The following ADAMTS13 variants were observed in gnomAD, a reference collection of about 807,000 sequenced individuals.
ADAMTS13 encodes A disintegrin and metalloproteinase with thrombospondin motifs 13.
A neutral mutation model predicts 155.1 loss-of-function variants in ADAMTS13; 110 were observed. The observed-to-expected ratio is 0.71, with a 90% CI of 0.61 to 0.83. The LOEUF is 0.83. Among genes scored for constraint, ADAMTS13 ranks in the 40% least tolerant of loss-of-function variants. The probability of loss-of-function intolerance (pLI) is 0.00; values close to 1 mark genes in which losing one functional copy is unlikely to be tolerated. For missense variants in ADAMTS13, 1,707 were observed against 1,891.7 expected (o/e 0.90, Z 1.81); for synonymous variants, 758 against 756.4 (o/e 1.00, Z -0.03).
rs782669437 is a variant in ADAMTS13 at position 133,458,016 on chromosome 9, G to A, written c.3831G>A (p.Pro1277=). Residue 1277 remains proline (P), a synonymous_variant, in exon 28 of 29, where the codon CCG becomes CCA. Transcript: ENST00000355699. ...GCCGGCTCTTCATTAATGTGGCTCC[G>A]CACGCACGGATTGCCATCCATGCCC... ...GGCRLFINVA[P]HARIAIHALA... 16 of 1,613,430 alleles carry A rather than the reference G, an allele frequency of 9.9e-6. No individual in the cohort carries two copies. Among genetic ancestry groups the A allele is most frequent in the Middle Eastern group, 1.7e-4 (1 of 6,060 alleles).
Position 133,425,761 on chromosome 9 carries a change from C to G in ADAMTS13, c.414+149C>G. ...CCAGACAGACCAGCTGCCCTCCCAGCTCTACCCAGCACTCAGCACAGGCTG... is the reference window on the plus strand; with the variant it reads ...CCAGACAGACCAGCTGCCCTCCCAGGTCTACCCAGCACTCAGCACAGGCTG... On this transcript the variant is annotated intron_variant, in intron 4 of 28. Transcript: ENST00000355699. This position sits in a 1 kb window ranked among gnomAD's most constrained non-coding sequence, Gnocchi z 4.6. 1 of 1,401,182 alleles carries G rather than the reference C, an allele frequency of 7.1e-7. No homozygotes were observed. The highest frequency in any genetic ancestry group is 9.8e-7 in the Non-Finnish European group (1 of 1,018,978). 86.8% of individuals were successfully genotyped at this position (1,401,182 alleles called of 1,614,324 possible).
Position 133,425,906 on chromosome 9 carries a change from T to C in ADAMTS13, c.415-32T>C, listed in dbSNP as rs782047029. On this transcript the variant is annotated intron_variant, in intron 4 of 28. Coordinates refer to ENST00000355699, the MANE Select transcript of ADAMTS13 (RefSeq NM_139027.6). The surrounding 1 kb of genome is among the most constrained non-coding windows in gnomAD (Gnocchi z 4.6). ...GTCAGCACCGTGCCTGGTTGGGGTG[T>C]CCTAAATGCAGGCTTTGCTGTGGGT... 8 of 1,612,490 alleles carry C rather than the reference T, an allele frequency of 5.0e-6. No homozygotes were observed. The highest frequency in any genetic ancestry group is 1.1e-5 in the South Asian group (1 of 91,060).
Position 133,449,964 on chromosome 9 carries a change from A to G in ADAMTS13, c.3043A>G (p.Arg1015Gly), listed in dbSNP as rs1265277092. ...EACSLEPCPP[R>G]WKVMSLGPCS... is the part of the protein sequence containing the mutation. The stretch of plus-strand genomic sequence containing the variant: ...CTGCAGCCTGGAGCCCTGCCCACCT[A>G]GGTGAGTCAGCCGGTGATGGGAGGG... Residue 1015 changes from arginine (R) to glycine (G), a missense_variant and splice_region_variant, in exon 23 of 29, where the codon AGG (arginine) becomes GGG (glycine). This residue lies in a region of ADAMTS13 where 961 missense variants were observed against 1,107.9 expected (regional missense o/e 0.87). Coordinates refer to ENST00000355699, the MANE Select transcript of ADAMTS13 (RefSeq NM_139027.6). 3.1e-6 allele frequency: 5 copies of G among 1,597,578 alleles called. No individual in the cohort carries two copies. Among genetic ancestry groups the G allele is most frequent in the Non-Finnish European group, 4.3e-6 (5 of 1,174,298 alleles).
chr9:133,443,479 T>C lies in ADAMTS13; in HGVS notation c.2338T>C (p.Leu780=), dbSNP rs782298936. 3 of 1,590,698 alleles carry C rather than the reference T, an allele frequency of 1.9e-6. No homozygotes were observed. In the South Asian group the frequency reaches 3.4e-5, roughly 18 times the overall value. The change falls in exon 19 of 29, where the codon TTG becomes CTG. Residue 780 remains leucine (L), a synonymous_variant. Coordinates refer to ENST00000355699, the MANE Select transcript of ADAMTS13 (RefSeq NM_139027.6). ...GGCCCAGGGCAGCCTCCTGAAGACA[T>C]TGCCCCCAGCCCGGTGCAGAGCAGG... The part of the protein sequence containing the change: ...VEAQGSLLKT[L]PPARCRAGAQ...
chr9:133,425,693 G>C lies in ADAMTS13; in HGVS notation c.414+81G>C. The C allele has an allele frequency of 6.7e-7, 1 of 1,499,084 alleles. No individual in the cohort carries two copies. The highest frequency in any genetic ancestry group is 9.1e-7 in the Non-Finnish European group (1 of 1,096,276). 92.9% of individuals were successfully genotyped at this position (1,499,084 alleles called of 1,614,324 possible). On this transcript the variant is annotated intron_variant, in intron 4 of 28. Transcript: ENST00000355699. The surrounding 1 kb of genome is among the most constrained non-coding windows in gnomAD (Gnocchi z 4.6). ...GCATCTCCATCCTCTTTAACCTCTT[G>C]TCCCGGATGCCCCAAGCAGCATGGA...
Position 133,444,878 on chromosome 9 carries a change from G to A in ADAMTS13, c.2436G>A (p.Glu812=). 1 of 1,613,062 alleles carries A rather than the reference G, an allele frequency of 6.2e-7. No individual in the cohort carries two copies. Among genetic ancestry groups the A allele is most frequent in the Non-Finnish European group, 8.5e-7 (1 of 1,180,034 alleles). Residue 812 remains glutamate, a synonymous_variant, in exon 20 of 29, where the codon GAG becomes GAA. Transcript: ENST00000355699. ...CCATCCTCAGGTGGGAGGTGTCAGA[G>A]CCCAGCTCATGCACATCAGCTGGTG... ...QPCPARWEVS[E]PSSCTSAGGA... is the part of the protein sequence containing the mutation.
Position 133,451,894 on chromosome 9 carries a change from CAA to C in ADAMTS13, c.3044+1950_3044+1951del, listed in dbSNP as rs34716768. Among the ~76,000 whole-genome samples, 779 of 79,498 alleles carry C rather than the reference CAA, an allele frequency of 9.8e-3. 3 individuals are homozygous for C. The highest frequency in any genetic ancestry group is 0.037 in the African/African-American group (685 of 18,352). The allele number at this position is 79,498 out of a possible 152,430, so 52.2% of individuals were successfully genotyped here. A position where few individuals can be genotyped will look rare whatever the true frequency, so the allele number is the denominator to read the frequency against. ...TGGGCAACAGCATGAGACCCTGTCT[CAA>C]AAAAAAAAAAAAAAAAAAAAGATTT... On this transcript the variant is annotated intron_variant, in intron 23 of 28. Coordinates refer to ENST00000355699, the MANE Select transcript of ADAMTS13 (RefSeq NM_139027.6).
chr9:133,423,506 C>T (rs1840086572), intron 2 of ADAMTS13, among the ~76,000 whole-genome samples: 2 of 152,320 alleles, frequency 1.3e-5, no homozygotes, highest in Middle Eastern at 3.4e-3. Flanking sequence ...AATATTTATT[C>T]CTTCTGTGGG....
At chr9:133,418,352 G>C (rs587736128), upstream of ADAMTS13, among the ~76,000 whole-genome samples, 41 of 152,302 alleles carry the variant, frequency 2.7e-4, no homozygotes, top group African/African-American at 9.4e-4. Context: ...CTGGACTCTC[G>C]AGCCTTTCCC....
chr9:133,453,321 A>C (rs1842550707), intron 23 of ADAMTS13, among the ~76,000 whole-genome samples: 2 of 151,934 alleles, frequency 1.3e-5, no homozygotes, highest in South Asian at 4.2e-4. Flanking sequence ...CTGTAGTCCC[A>C]GCTACTTGGG....
chr9:133,428,737 C>T lies in ADAMTS13; in HGVS notation c.790C>T (p.Pro264Ser), dbSNP rs1554785960. The change falls in exon 7 of 29, where the codon CCC becomes TCC. Residue 264 changes from proline (P) to serine (S), a missense_variant. Pro to Ser is a moderately conservative substitution (Grantham distance 74). Coordinates refer to ENST00000355699, the MANE Select transcript of ADAMTS13 (RefSeq NM_139027.6). ...GCCCCGCGCCGGCCTCGCCTGGTCC[C>T]CCTGCAGCCGCCGGCAGCTGCTGAG... ...AAPRAGLAWSPCSRRQLLSLL... is the reference protein window; with the variant it reads ...AAPRAGLAWSSCSRRQLLSLL... The T allele has an allele frequency of 2.9e-6, 4 of 1,360,756 alleles. No homozygotes were observed. Among genetic ancestry groups the T allele is most frequent in the South Asian group, 1.7e-5 (1 of 58,938 alleles). 84.3% of individuals were successfully genotyped at this position (1,360,756 alleles called of 1,614,324 possible). A position where few individuals can be genotyped will look rare whatever the true frequency, so the allele number is the denominator to read the frequency against.
chr9:133,421,745 C>T (rs1422993561), upstream of ADAMTS13, among the ~76,000 whole-genome samples: 1 of 152,072 alleles, frequency 6.6e-6, no homozygotes, highest in East Asian at 1.9e-4. Context: ...GTAGGTGTGT[C>T]CTCCCTGATC....
chr9:133,429,693 C>T, intron 7 of ADAMTS13: 1 of 688,652 alleles, frequency 1.5e-6, no homozygotes. Context: ...TGCTCCATCC[C>T]ACTCAGACCC....
intron 12 of ADAMTS13, 91 bp from the exon 13 acceptor site, chr9:133,437,657 GC>G: frequency 6.8e-7 from 1 of 1,467,414 alleles, no homozygotes. Flanking sequence ...AGAAACCCTT[GC>G]CCCAGATGCA....
At chr9:133,417,732 C>G, upstream of ADAMTS13, 1 of 1,614,108 alleles carries the variant, frequency 6.2e-7, no homozygotes, top group Non-Finnish European at 8.5e-7. Context: ...CTTGCTTTTC[C>G]AAAACCTTTT....
chr9:133,432,762 C>A, intron 9 of ADAMTS13, 70 bp downstream of exon 9: 1 of 1,445,038 alleles, frequency 6.9e-7, no homozygotes, highest in Non-Finnish European at 9.4e-7. Context: ...CCAGGCCGCC[C>A]TATTCCTAGG....
rs1554784529 is a variant in ADAMTS13 at position 133,424,310 on chromosome 9, T to C, written c.173-11T>C. On this transcript the variant is annotated splice_polypyrimidine_tract_variant and intron_variant, in intron 2 of 28. Coordinates refer to ENST00000355699, the MANE Select transcript of ADAMTS13 (RefSeq NM_139027.6). The surrounding 1 kb of genome is among the most constrained non-coding windows in gnomAD (Gnocchi z 4.3). ...GAACCATCGCCCTCTGCTCTCCCTC[T>C]CCCCCTCCAGGCCGCCCTCCTTCCC... is the stretch of plus-strand genomic sequence containing the variant. 2.5e-6 allele frequency: 4 copies of C among 1,610,950 alleles called. No individual in the cohort carries two copies. The highest frequency in any genetic ancestry group is 1.3e-5 in the African/African-American group (1 of 74,844).
At chr9:133,444,734 G>C in intron 19 of ADAMTS13, 129 bp from the exon 20 acceptor site, 1 of 927,086 alleles carries the variant, frequency 1.1e-6, no homozygotes, top group African/African-American at 1.6e-5. Context: ...TCACTTCTCT[G>C]TGGGGCTCCT....
rs374601411 is a variant in ADAMTS13 at position 133,414,809 on chromosome 9, G to A, written n.287+165G>A. 5 of 1,614,076 alleles carry A rather than the reference G, an allele frequency of 3.1e-6. No homozygotes were observed. In the African/African-American group the frequency reaches 5.3e-5, roughly 17 times the overall value. ...TCCACTGGCCTTGGTGCGAGGTACTGGCGCCCTCCTGTCCATCTTGGAACC... is the reference window on the plus strand; with the variant it reads ...TCCACTGGCCTTGGTGCGAGGTACTAGCGCCCTCCTGTCCATCTTGGAACC... On this transcript the variant is annotated intron_variant and non_coding_transcript_variant, in intron 1 of 17. Coordinates refer to the ADAMTS13 transcript ENST00000485925.
Sources: allele counts gnomAD v4.1 joint callset (sites outside exome capture counted in the v4.1 genomes callset), GRCh38; gene constraint gnomAD v4.1.1; regional missense constraint gnomAD v4.1.1; non-coding constraint Gnocchi (gnomAD v3.1); transcripts MANE v1.5; gene names NCBI Gene and HGNC (gene_info 2026-07-23, HGNC 2026-07-21).